The following RPN1 variants were observed in gnomAD, a reference collection of about 807,000 sequenced individuals.
RPN1 encodes the protein ribophorin I.
RPN1 carries 12 observed loss-of-function variants against 55.5 expected under a neutral mutation model. That is an observed-to-expected ratio of 0.22 (90% CI 0.14 to 0.35). The LOEUF (loss-of-function observed/expected upper bound fraction) is 0.35, where lower values mean the gene tolerates loss of function less well. Among genes scored for constraint, RPN1 ranks in the 10% least tolerant of loss-of-function variants. RPN1 has a pLI of 1.00. For synonymous variants in RPN1, 317 were observed against 305.9 expected, an observed-to-expected ratio of 1.04 and a Z score of -0.38; for missense variants, 679 against 761.3, an observed-to-expected ratio of 0.89 and a Z score of 1.27.
At chr3:128,625,803 G>A (rs2107713865) in intron 7 of RPN1, 71 bp downstream of exon 7, 1 of 1,557,246 alleles carries the variant, frequency 6.4e-7, no homozygotes, top group Non-Finnish European at 8.8e-7. Context: ...GGGACAGAAG[G>A]TGAGTTCTTG....
At chr3:128,635,640 GATATATATATATAT>G (rs1162489418) in intron 3 of RPN1, among the ~76,000 whole-genome samples, 3,115 of 113,884 alleles carry the variant, frequency 0.027, 105 homozygotes, top group African/African-American at 0.075. Context: ...TATATATATA[GATATATATATATAT>G]ATATATATAT....
Position 128,620,509 on chromosome 3 carries a change from T to G in RPN1, c.1726A>C (p.Lys576Gln). ...TCAATGTACGTGTCTTTCTTGAGCT[T>G]GCCAGCCACCAGGCGCTCAGCCTCC... ...AVEAERLVAGKLKKDTYIENE... is the reference protein window; with the variant it reads ...AVEAERLVAGQLKKDTYIENE... The change falls in exon 10 of 10, where the codon AAG (lysine) becomes CAG (glutamine). Residue 576 changes from lysine (K) to glutamine (Q), a missense_variant. Physicochemically the swap from Lys to Gln is moderately conservative, Grantham distance 53. Coordinates refer to ENST00000296255, the MANE Select transcript of RPN1 (RefSeq NM_002950.4). 1 of 1,614,204 alleles carries G rather than the reference T, an allele frequency of 6.2e-7. No homozygotes were observed. The highest frequency in any genetic ancestry group is 8.5e-7 in the Non-Finnish European group (1 of 1,180,008).
intron 2 of RPN1, 28 bp from the exon 3 acceptor site, chr3:128,638,133 A>C: frequency 6.4e-7 from 1 of 1,566,000 alleles, no homozygotes; most frequent in Non-Finnish European, 8.8e-7. Context: ...CAAGAGAAGT[A>C]AGAGAGACTG....
intron 1 of RPN1, 25 bp downstream of exon 1, chr3:128,650,515 G>T: frequency 6.6e-7 from 1 of 1,516,564 alleles, no homozygotes; most frequent in Non-Finnish European, 8.8e-7. Flanking sequence ...CCCGGGAGCG[G>T]CGGCGAGGGG....
intron 1 of RPN1, among the ~76,000 whole-genome samples, chr3:128,648,492 A>G (rs751548945): frequency 6.6e-6 from 1 of 152,042 alleles, no homozygotes; most frequent in Non-Finnish European, 1.5e-5. Flanking sequence ...CCCAGGAGGC[A>G]GAGGTTGCAG....
At chr3:128,635,946 CAACTTGTTATATATGATTTTGTTACACAT>C (rs2069679032) in intron 3 of RPN1, among the ~76,000 whole-genome samples, 1 of 151,080 alleles carries the variant, frequency 6.6e-6, no homozygotes, top group African/African-American at 2.4e-5. Flanking sequence ...TTGTTACATA[CAACTTGTTATATATGATTTTGTTACACAT>C]AACTTGTTAT....
At chr3:128,641,125 CT>C (rs1160311361) in intron 2 of RPN1, 2 of 151,372 alleles carry the variant, frequency 1.3e-5, no homozygotes, top group Admixed American at 6.6e-5. Flanking sequence ...AAGCTCTTCT[CT>C]AGCTGGATCT....
Position 128,620,358 on chromosome 3 carries a change from C to T in RPN1, c.*53G>A. On this transcript the variant is annotated 3_prime_UTR_variant, in exon 10 of 10. Transcript: ENST00000296255. ...AACCTCCCACTACCACCCAATCTGC[C>T]TGCCACAGCAAAGTGCAGGCACCCT... The T allele has an allele frequency of 6.5e-7, 1 of 1,541,786 alleles. No homozygotes were observed. The highest frequency in any genetic ancestry group is 1.2e-5 in the South Asian group (1 of 81,848).
At chr3:128,635,612 GATATATATATAT>G (rs112246211) in intron 3 of RPN1, among the ~76,000 whole-genome samples, 8,086 of 125,700 alleles carry the variant, frequency 0.064, 336 homozygotes, top group African/African-American at 0.073. Context: ...TATAACTTGA[GATATATATATAT>G]ATATATATAT....
chr3:128,632,815 G>A (rs1324181859), intron 3 of RPN1, among the ~76,000 whole-genome samples: 2 of 152,026 alleles, frequency 1.3e-5, no homozygotes, highest in Non-Finnish European at 2.9e-5. Flanking sequence ...AGCTGGTCTC[G>A]AACCCCTGAC....
At chr3:128,622,548 ACTGATACCTAAT>A in intron 8 of RPN1, 139 bp from the exon 9 acceptor site, 1 of 1,043,456 alleles carries the variant, frequency 9.6e-7, no homozygotes. Context: ...TCAAACCCCT[ACTGATACCTAAT>A]CTGGACCAGG....
In RPN1 at chr3:128,638,071, G is replaced by T; in HGVS notation, c.361C>A (p.Leu121Ile). The change falls in exon 3 of 10, where the codon CTT becomes ATT. Residue 121 changes from leucine (L) to isoleucine (I), a missense_variant. Physicochemically the swap from Leu to Ile is conservative, Grantham distance 5 (BLOSUM62 2). Transcript: ENST00000296255. ...ACTGAAATCTTGGCCCCAGGATCAA[G>T]AGCAACTGGGAGCTTGACTGTGAAG... ...RFFTVKLPVA[L>I]DPGAKISVIV... The T allele has an allele frequency of 6.2e-7, 1 of 1,613,938 alleles. No homozygotes were observed. Among genetic ancestry groups the T allele is most frequent in the South Asian group, 1.1e-5 (1 of 91,072 alleles).
chr3:128,638,965 C>CAA (rs898786567), intron 2 of RPN1, among the ~76,000 whole-genome samples: 6 of 143,204 alleles, frequency 4.2e-5, no homozygotes, highest in African/African-American at 1.5e-4. Flanking sequence ...GACTCCATCT[C>CAA]AAAAAAAAAA....
chr3:128,635,666 G>GATATATATATATATATATATATAT, intron 3 of RPN1, among the ~76,000 whole-genome samples: 1 of 83,642 alleles, frequency 1.2e-5, no homozygotes, highest in South Asian at 4.0e-4. Context: ...TATATATATA[G>GATATATATATATATATATATATAT]ATATCTATAG....
chr3:128,638,323 G>C (rs1355346618), intron 2 of RPN1, among the ~76,000 whole-genome samples: 1 of 152,148 alleles, frequency 6.6e-6, no homozygotes, highest in Non-Finnish European at 1.5e-5. Flanking sequence ...TTGGGTTCAA[G>C]CGATTCTCCT....
intron 2 of RPN1, chr3:128,644,476 T>A: frequency 3.4e-6 from 1 of 291,332 alleles, no homozygotes; most frequent in Non-Finnish European, 6.8e-6. Flanking sequence ...AAACCCGGTG[T>A]CTACTAAAAA....
intron 3 of RPN1, among the ~76,000 whole-genome samples, chr3:128,637,219 C>A (rs762146889): frequency 1.3e-5 from 2 of 151,610 alleles, no homozygotes; most frequent in African/African-American, 2.4e-5. Context: ...GGCTGGGCAA[C>A]AGAGCAGGAT....
chr3:128,624,638 C>T (rs1167517277), intron 8 of RPN1, among the ~76,000 whole-genome samples: 1 of 152,194 alleles, frequency 6.6e-6, no homozygotes, highest in Admixed American at 6.5e-5. Flanking sequence ...TCCCCACCTT[C>T]TTTGCCTGTC....
At chr3:128,632,227 G>T in intron 3 of RPN1, 70 bp from the exon 4 acceptor site, 1 of 1,398,392 alleles carries the variant, frequency 7.2e-7, no homozygotes, top group Non-Finnish European at 1.0e-6. Flanking sequence ...AAATCAGATT[G>T]ATTGGAGACA....
Sources: gnomAD v4.1 joint callset for allele counts (sites outside exome capture counted in the v4.1 genomes callset) on GRCh38, gnomAD v4.1.1 for gene constraint, MANE v1.5 for transcripts, NCBI Gene and HGNC (gene_info 2026-07-23, HGNC 2026-07-21) for gene names.